PITPNC1: variants seen among roughly 807,000 people sequenced by gnomAD.
PITPNC1 encodes cytoplasmic phosphatidylinositol transfer protein 1.
A neutral mutation model predicts 44.7 loss-of-function variants in PITPNC1; 18 were observed. The ratio of observed to expected loss-of-function variants is 0.40; its 90% CI spans 0.28 to 0.60. The LOEUF is 0.60. PITPNC1 is among the 20% of genes least tolerant of loss of function. PITPNC1 has a pLI of 0.39. For missense variants in PITPNC1, 290 were observed against 418.4 expected (o/e 0.69, Z 2.68); for synonymous variants, 141 against 149.6 (o/e 0.94, Z 0.42).
chr17:67,612,138 C>T (rs981872862), intron 5 of PITPNC1: 3 of 152,248 alleles, frequency 2.0e-5, no homozygotes, highest in African/African-American at 7.2e-5. Flanking sequence ...TGAGTACCAA[C>T]TCATCTTGGG....
intron 1 of PITPNC1, among the ~76,000 whole-genome samples, chr17:67,396,519 G>A (rs548428958): frequency 6.6e-5 from 10 of 150,550 alleles, no homozygotes; most frequent in African/African-American, 2.0e-4. Flanking sequence ...TACAGGCACC[G>A]GCCACCACAC....
chr17:67,587,521 T>C (rs955109030), intron 5 of PITPNC1, among the ~76,000 whole-genome samples: 1 of 152,022 alleles, frequency 6.6e-6, no homozygotes, highest in African/African-American at 2.4e-5. Context: ...AAGTTGCATA[T>C]GCATATGAAT....
At chr17:67,550,516 G>C (rs562892076) in intron 2 of PITPNC1, among the ~76,000 whole-genome samples, 1 of 146,986 alleles carries the variant, frequency 6.8e-6, no homozygotes, top group Admixed American at 6.9e-5. Flanking sequence ...AGGGGTTTGA[G>C]ACTTGGGGTT....
rs150232086 is a variant in PITPNC1, at chr17:67,584,638, G to A, written c.366+6381G>A. ...CACTTCATAAACTGTGAAGTGCCATGCAAATAAGAGACATGATTACTGTGA... is the reference window on the plus strand; with the variant it reads ...CACTTCATAAACTGTGAAGTGCCATACAAATAAGAGACATGATTACTGTGA... On this transcript the variant is annotated intron_variant, in intron 5 of 8. Coordinates refer to ENST00000581322, the MANE Select transcript of PITPNC1 (RefSeq NM_012417.4). Among the ~76,000 whole-genome samples, 231 of 152,278 alleles carry A rather than the reference G, an allele frequency of 1.5e-3. 1 individual carries two copies. The highest frequency in any genetic ancestry group is 5.3e-3 in the African/African-American group (219 of 41,538).
chr17:67,467,868 G>T (rs553566277), intron 1 of PITPNC1, among the ~76,000 whole-genome samples: 2 of 152,216 alleles, frequency 1.3e-5, no homozygotes, highest in Non-Finnish European at 2.9e-5. Context: ...AACTGACATG[G>T]TCCCTAATGT....
At chr17:67,605,896 A>G (rs578007695) in intron 5 of PITPNC1, among the ~76,000 whole-genome samples, 3 of 152,350 alleles carry the variant, frequency 2.0e-5, no homozygotes, top group African/African-American at 4.8e-5. Context: ...ATAACAGCAC[A>G]TAAGTTCAAT....
intron 1 of PITPNC1, among the ~76,000 whole-genome samples, chr17:67,449,589 G>A (rs749376736): frequency 6.6e-5 from 10 of 152,190 alleles, no homozygotes; most frequent in Non-Finnish European, 1.3e-4. Flanking sequence ...ACCTTGACAA[G>A]ACATGTACCA....
At chr17:67,530,218 A>G (rs1407908758) in intron 1 of PITPNC1, among the ~76,000 whole-genome samples, 1 of 150,490 alleles carries the variant, frequency 6.6e-6, no homozygotes, top group Non-Finnish European at 1.5e-5. Flanking sequence ...CAGACTTCCA[A>G]GTAGCTGGAC....
At chr17:67,560,566 G>C (rs1015466098) in intron 4 of PITPNC1, among the ~76,000 whole-genome samples, 1 of 152,194 alleles carries the variant, frequency 6.6e-6, no homozygotes, top group Non-Finnish European at 1.5e-5. Flanking sequence ...TGGTTGTATG[G>C]ACGAGCCAGT....
chr17:67,379,676 TAGG>T (rs2037928613), intron 1 of PITPNC1, among the ~76,000 whole-genome samples: 2 of 152,150 alleles, frequency 1.3e-5, no homozygotes, highest in South Asian at 2.1e-4. Context: ...GACTGGTTAA[TAGG>T]AGTCTTTCCA....
intron 2 of PITPNC1, among the ~76,000 whole-genome samples, chr17:67,541,562 C>T (rs192499498): frequency 3.3e-5 from 5 of 152,098 alleles, no homozygotes; most frequent in East Asian, 1.9e-4. Context: ...ATAAAAGTAA[C>T]GTAAAATATC....
At chr17:67,540,200 C>T (rs1221658696) in intron 2 of PITPNC1, among the ~76,000 whole-genome samples, 2 of 151,940 alleles carry the variant, frequency 1.3e-5, no homozygotes, top group African/African-American at 2.4e-5. Flanking sequence ...GCCTTCCGGG[C>T]TCAAGAGATA....
rs192884993 is a variant in PITPNC1, at chr17:67,657,752, A to G, written c.463-11756A>G. Among the ~76,000 whole-genome samples the G allele has an allele frequency of 3.8e-3, 574 of 152,338 alleles. 7 individuals are homozygous for G. Among genetic ancestry groups the G allele is most frequent in the Non-Finnish European group, 5.1e-3 (348 of 68,036 alleles). On this transcript the variant is annotated intron_variant, in intron 6 of 8. Coordinates refer to ENST00000581322, the MANE Select transcript of PITPNC1 (RefSeq NM_012417.4). ...AATTCTATACTTTTGTCACGCAATC[A>G]GGAACCACACATTGATTTAAGCATC... is the stretch of plus-strand genomic sequence containing the variant.
chr17:67,521,961 G>A (rs1317021089), intron 1 of PITPNC1, among the ~76,000 whole-genome samples: 3 of 152,048 alleles, frequency 2.0e-5, no homozygotes, highest in Non-Finnish European at 2.9e-5. Flanking sequence ...TCAGTACCTC[G>A]TTGTGTGGGA....
At chr17:67,590,963 A>AAG (rs1461688652) in intron 5 of PITPNC1, among the ~76,000 whole-genome samples, 28 of 151,886 alleles carry the variant, frequency 1.8e-4, no homozygotes, top group African/African-American at 6.3e-4. Context: ...CAAAAAAAAA[A>AAG]AAAGAAAGAA....
At chr17:67,675,600 T>C (rs2042587044) in intron 8 of PITPNC1, 58 bp downstream of exon 8, 3 of 1,233,132 alleles carry the variant, frequency 2.4e-6, no homozygotes, top group Non-Finnish European at 3.6e-6. Flanking sequence ...TCGGGCTTTC[T>C]GTCCATTTGG....
At chr17:67,616,003 C>A (rs1239788214) in intron 5 of PITPNC1, among the ~76,000 whole-genome samples, 3 of 152,198 alleles carry the variant, frequency 2.0e-5, no homozygotes. Context: ...GCCATTGTTG[C>A]AGCTGCCCTG....
intron 2 of PITPNC1, among the ~76,000 whole-genome samples, chr17:67,549,616 T>C (rs1341959163): frequency 6.6e-6 from 1 of 152,122 alleles, no homozygotes; most frequent in Non-Finnish European, 1.5e-5. Context: ...AGAAAATGAC[T>C]GTGGCTCAGG....
chr17:67,613,860 A>G lies in PITPNC1; in HGVS notation c.367-18283A>G, dbSNP rs537602966. 4 of 146,746 alleles carry G rather than the reference A, an allele frequency of 2.7e-5. No individual in the cohort carries two copies. In the South Asian group the frequency reaches 6.6e-4, roughly 24 times the overall value. The allele number at this position is 146,746 out of a possible 1,614,324, so 9.1% of individuals were successfully genotyped here. ...AAAGGAGTGCTGGTTTAGGAGGTCA[A>G]TGCTGGAGGATCACTTGAGCCCAGG... On this transcript the variant is annotated intron_variant, in intron 5 of 8. Transcript: ENST00000581322.
Sources: allele counts gnomAD v4.1 joint callset (sites outside exome capture counted in the v4.1 genomes callset), GRCh38; gene constraint gnomAD v4.1.1; transcripts MANE v1.5; gene names NCBI Gene and HGNC (gene_info 2026-07-23, HGNC 2026-07-21).